The following AZIN1 variants were observed in gnomAD, a reference collection of about 807,000 sequenced individuals.
The protein encoded by AZIN1 is antizyme inhibitor 1, also known as ornithine decarboxylase antizyme inhibitor.
AZIN1 carries 12 observed loss-of-function variants against 47.4 expected under a neutral mutation model. The observed-to-expected ratio is 0.25, with a 90% CI of 0.16 to 0.41. The LOEUF (loss-of-function observed/expected upper bound fraction) is 0.41, where lower values mean the gene tolerates loss of function less well. Among genes scored for constraint, AZIN1 ranks in the 10% least tolerant of loss-of-function variants. The pLI, the probability that AZIN1 is intolerant of heterozygous loss-of-function variation, is 1.00. For synonymous variants in AZIN1, 155 were observed against 176.3 expected, an observed-to-expected ratio of 0.88 and a Z score of 0.96; for missense variants, 410 against 532.4, an observed-to-expected ratio of 0.77 and a Z score of 2.26.
chr8:102,849,484 T>G (rs573131079), intron 2 of AZIN1, among the ~76,000 whole-genome samples: 7 of 152,092 alleles, frequency 4.6e-5, no homozygotes, highest in Non-Finnish European at 8.8e-5. Flanking sequence ...ACTGATTTAC[T>G]GGCTGCAACA....
At chr8:102,830,156 T>A (rs1178596095) in intron 9 of AZIN1, 1 of 366,652 alleles carries the variant, frequency 2.7e-6, no homozygotes, top group Non-Finnish European at 4.9e-6. Flanking sequence ...GAGGCTGAGG[T>A]GGGAGGATCA....
chr8:102,855,118 G>C (rs181547434), intron 2 of AZIN1, among the ~76,000 whole-genome samples: 11 of 152,266 alleles, frequency 7.2e-5, no homozygotes, highest in Middle Eastern at 3.4e-3. Context: ...GCAATGGCAC[G>C]ATCTCGGCTC....
intron 2 of AZIN1, among the ~76,000 whole-genome samples, chr8:102,854,174 G>A (rs2131271861): frequency 6.6e-6 from 1 of 152,106 alleles, no homozygotes. Flanking sequence ...CCTGACTTCA[G>A]ATGATCTGCC....
At chr8:102,858,464 T>C (rs899876737) in intron 1 of AZIN1, among the ~76,000 whole-genome samples, 2 of 152,222 alleles carry the variant, frequency 1.3e-5, no homozygotes, top group Admixed American at 6.5e-5. Context: ...TTATTTGTCC[T>C]CTAAAATTCC....
rs1366361860 is a variant in AZIN1, at chr8:102,828,483, T to C, written c.*84A>G. On this transcript the variant is annotated 3_prime_UTR_variant, in exon 12 of 12. Coordinates refer to ENST00000337198, the MANE Select transcript of AZIN1 (RefSeq NM_148174.4). Reference sequence around the variant, plus strand: ...GCCAAAAGAATTAAGAGAATAAGATTGTTTAAATTATTTTTCCACACTGGA... The same window carrying C: ...GCCAAAAGAATTAAGAGAATAAGATCGTTTAAATTATTTTTCCACACTGGA... The C allele has an allele frequency of 3.8e-5, 33 of 863,812 alleles. No individual in the cohort carries two copies. Among genetic ancestry groups the C allele is most frequent in the Non-Finnish European group, 5.3e-5 (30 of 566,558 alleles). The allele number at this position is 863,812 out of a possible 1,614,324, so 53.5% of individuals were successfully genotyped here.
chr8:102,851,597 T>C (rs1401045320), intron 2 of AZIN1, among the ~76,000 whole-genome samples: 2 of 152,030 alleles, frequency 1.3e-5, no homozygotes, highest in African/African-American at 4.8e-5. Flanking sequence ...TCCCAGCTAC[T>C]TGGGAGGCTG....
At chr8:102,854,659 G>A (rs1813169487) in intron 2 of AZIN1, 1 of 146,348 alleles carries the variant, frequency 6.8e-6, no homozygotes, top group Admixed American at 6.9e-5. Context: ...ATCCTAATTA[G>A]GTAGGGAGCT....
At chr8:102,841,805 TA>T (rs1269379100) in intron 3 of AZIN1, among the ~76,000 whole-genome samples, 3,543 of 114,368 alleles carry the variant, frequency 0.031, 121 homozygotes, top group African/African-American at 0.096. Context: ...TATATATATA[TA>T]AAAAAAAAAA....
At chr8:102,853,868 G>C (rs1813086677) in intron 2 of AZIN1, among the ~76,000 whole-genome samples, 1 of 148,784 alleles carries the variant, frequency 6.7e-6, no homozygotes, top group Non-Finnish European at 1.5e-5. Flanking sequence ...ATTAAATCGG[G>C]GGGTGGGGGG....
intron 1 of AZIN1, among the ~76,000 whole-genome samples, chr8:102,862,237 T>TA (rs1013054791): frequency 6.6e-6 from 1 of 152,180 alleles, no homozygotes; most frequent in Non-Finnish European, 1.5e-5. Context: ...CTCTAAGATT[T>TA]AAAAAATAGT....
chr8:102,829,460 A>G lies in AZIN1; in HGVS notation c.1047T>C (p.Phe349=), dbSNP rs145303628. Residue 349 remains phenylalanine, a synonymous_variant, in exon 11 of 12, where the codon TTT becomes TTC. Transcript: ENST00000337198. ...AGGATGGACCCCAAAGGCTGCTTGTAAACAGAGGCTCATCTTCCTTGTATT... is the reference window on the plus strand; with the variant it reads ...AGGATGGACCCCAAAGGCTGCTTGTGAACAGAGGCTCATCTTCCTTGTATT... The part of the protein sequence containing the change: ...HKKYKEDEPL[F]TSSLWGPSCD... 5.1e-5 allele frequency: 82 copies of G among 1,611,484 alleles called. No individual in the cohort carries two copies. The African/African-American group carries it at 8.7e-4, about 17-fold the overall frequency.
chr8:102,862,108 G>A (rs968059259), intron 1 of AZIN1, among the ~76,000 whole-genome samples: 2 of 152,052 alleles, frequency 1.3e-5, no homozygotes, highest in African/African-American at 2.4e-5. Flanking sequence ...AAACTTTTGA[G>A]GGTGATGGCG....
chr8:102,857,367 G>A (rs112558129), intron 2 of AZIN1, among the ~76,000 whole-genome samples: 7 of 151,578 alleles, frequency 4.6e-5, no homozygotes, highest in East Asian at 1.9e-4. Context: ...CTGAATTTCC[G>A]TAACAATAAG....
At chr8:102,853,883 A>G (rs1813089384) in intron 2 of AZIN1, among the ~76,000 whole-genome samples, 1 of 152,008 alleles carries the variant, frequency 6.6e-6, no homozygotes, top group Non-Finnish European at 1.5e-5. Context: ...GGGGGGAGAA[A>G]AGAAAAAAAA....
rs562554871 is a variant in AZIN1, at chr8:102,839,278, T to C, written c.277-362A>G. Among the ~76,000 whole-genome samples, 4 of 152,316 alleles carry C rather than the reference T, an allele frequency of 2.6e-5. No homozygotes were observed. The East Asian group carries it at 7.7e-4, about 29-fold the overall frequency. On this transcript the variant is annotated intron_variant, in intron 4 of 11. Coordinates refer to ENST00000337198, the MANE Select transcript of AZIN1 (RefSeq NM_148174.4). ...CAACTCTCACCTCAGCCTCTCAAAG[T>C]GGTGGGATTACAGGTGTTAGCCATC...
At chr8:102,860,293 C>G (rs2513876) in intron 1 of AZIN1, among the ~76,000 whole-genome samples, 1 of 152,040 alleles carries the variant, frequency 6.6e-6, no homozygotes, top group South Asian at 2.1e-4. Context: ...GACGGAGTCT[C>G]GCTCTGTCAC....
chr8:102,853,758 C>T (rs1190020657), intron 2 of AZIN1, among the ~76,000 whole-genome samples: 1 of 151,732 alleles, frequency 6.6e-6, no homozygotes, highest in Non-Finnish European at 1.5e-5. Flanking sequence ...TGGTTTTACT[C>T]ATCTTTTTGG....
At chr8:102,843,830 A>C in intron 2 of AZIN1, 83 bp from the exon 3 acceptor site, 1 of 955,418 alleles carries the variant, frequency 1.0e-6, no homozygotes, top group East Asian at 3.2e-5. Flanking sequence ...CTAAGTGCCT[A>C]ATTTAGTGAG....
At chr8:102,862,532 CGTATATGTAAAAG>C (rs1433951382) in intron 1 of AZIN1, among the ~76,000 whole-genome samples, 2 of 152,098 alleles carry the variant, frequency 1.3e-5, no homozygotes, top group African/African-American at 2.4e-5. Flanking sequence ...TGCACGCTCT[CGTATATGTAAAAG>C]AAATTAATGA....
Sources: gnomAD v4.1 joint callset for allele counts (sites outside exome capture counted in the v4.1 genomes callset) on GRCh38, gnomAD v4.1.1 for gene constraint, MANE v1.5 for transcripts, NCBI Gene and HGNC (gene_info 2026-07-23, HGNC 2026-07-21) for gene names.